PHC3: variants seen among roughly 807,000 people sequenced by gnomAD.
PHC3 encodes polyhomeotic homolog 3.
PHC3 carries 13 observed loss-of-function variants against 107.4 expected under a neutral mutation model. That is an observed-to-expected ratio of 0.12 (90% CI 0.08 to 0.19). The LOEUF is 0.19. Ranked by LOEUF, PHC3 falls within the 10% of genes least tolerant of loss-of-function variation. The probability of loss-of-function intolerance (pLI) is 1.00; values close to 1 mark genes in which losing one functional copy is unlikely to be tolerated. For missense variants in PHC3, 992 were observed against 1,210.9 expected, an observed-to-expected ratio of 0.82 and a Z score of 2.68; for synonymous variants, 456 against 427.4, an observed-to-expected ratio of 1.07 and a Z score of -0.83.
At chr3:170,127,785 T>C (rs1406829931) in intron 8 of PHC3, among the ~76,000 whole-genome samples, 1 of 152,214 alleles carries the variant, frequency 6.6e-6, no homozygotes, top group Admixed American at 6.5e-5. Context: ...TTGATCCTTC[T>C]GACTAAACAA....
At position 170,104,838 on chromosome 3, in the gene PHC3, G is replaced by A. The variant is rs115900688; in HGVS notation, c.2469-1904C>T. 7.3e-3 allele frequency among the ~76,000 whole-genome samples: 1,105 copies of A among 152,222 alleles called. 15 individuals carry two copies. The highest frequency in any genetic ancestry group is 0.025 in the African/African-American group (1,040 of 41,544). On this transcript the variant is annotated intron_variant, in intron 12 of 14. Transcript: ENST00000495893. ...GTGTTCATAATGTGCTCATTTGTGG[G>A]CTCAGCAATGTAGGTTTCTGATTTC...
chr3:170,129,021 G>C lies in PHC3; in HGVS notation c.1451C>G (p.Ser484Cys), dbSNP rs140326294. 6.2e-7 allele frequency: 1 copy of C among 1,613,450 alleles called. No homozygotes were observed. The highest frequency in any genetic ancestry group is 1.3e-5 in the African/African-American group (1 of 75,064). The change falls in exon 8 of 15, where the codon TCT becomes TGT. Residue 484 changes from serine (S) to cysteine (C), a missense_variant. Physicochemically the swap from Ser to Cys is moderately radical, Grantham distance 112 (BLOSUM62 -1). Coordinates refer to ENST00000495893, the MANE Select transcript of PHC3 (RefSeq NM_024947.4). ...PVVHIGPVQQSALVSPGQQIV... is the reference protein window; with the variant it reads ...PVVHIGPVQQCALVSPGQQIV... ...CTGCTGGCCTGGGGATACCAAGGCA[G>C]ACTGCTGAACTGGGCCAATGTGTAC... is the stretch of plus-strand genomic sequence containing the variant.
intron 6 of PHC3, among the ~76,000 whole-genome samples, chr3:170,141,374 G>C (rs1322635159): frequency 6.6e-5 from 10 of 152,090 alleles, no homozygotes; most frequent in Admixed American, 5.9e-4. Context: ...ATCTATCTTT[G>C]AATTAAGTCC....
intron 12 of PHC3, among the ~76,000 whole-genome samples, chr3:170,105,242 GTTCT>G (rs1371635333): frequency 1.3e-5 from 2 of 152,080 alleles, no homozygotes; most frequent in Admixed American, 1.3e-4. Context: ...GATAACCATT[GTTCT>G]TTCTTGTGGT....
chr3:170,149,270 T>C (rs1259945500), intron 4 of PHC3, 26 bp from the exon 5 acceptor site: 39 of 1,576,010 alleles, frequency 2.5e-5, no homozygotes, highest in Non-Finnish European at 3.0e-5. Context: ...TATTAGGTCA[T>C]AGGCTTCCAT....
intron 7 of PHC3, chr3:170,136,209 T>G (rs1239984807): frequency 1.9e-6 from 1 of 535,598 alleles, no homozygotes; most frequent in East Asian, 3.6e-5. Context: ...AATTTGATTT[T>G]AAAAAACCTA....
Position 170,157,265 on chromosome 3 carries a change from G to C in PHC3, c.415-8021C>G, listed in dbSNP as rs557689605. ...AATGCAGAATACCTGTGTTTACAAT[G>C]TGTAAAAAAGAGTGCTAAATGCATA... On this transcript the variant is annotated intron_variant, in intron 4 of 14. Transcript: ENST00000495893. Among the ~76,000 whole-genome samples the C allele has an allele frequency of 3.3e-5, 5 of 152,268 alleles. No individual in the cohort carries two copies. The South Asian group carries it at 1.0e-3, about 32-fold the overall frequency.
Position 170,113,412 on chromosome 3 carries a change from T to G in PHC3, c.2301A>C (p.Thr767=), listed in dbSNP as rs748423245. ...TGTCAGATGAATTATCCGCATGTTT[T>G]GTATTATTCTGTAGCTCTGGCTGAA... is the stretch of plus-strand genomic sequence containing the variant. The part of the protein sequence containing the change: ...VCVQPELQNN[T]KHADNSSDTE... The change falls in exon 11 of 15, where the codon ACA becomes ACC. Residue 767 remains threonine (T), a synonymous_variant. Transcript: ENST00000495893. The G allele has an allele frequency of 6.2e-7, 1 of 1,612,132 alleles. No homozygotes were observed.
At chr3:170,117,498 C>A in intron 9 of PHC3, 22 bp from the exon 10 acceptor site, 3 of 1,579,710 alleles carry the variant, frequency 1.9e-6, no homozygotes, top group South Asian at 1.2e-5. Flanking sequence ...ACCAAAAAGT[C>A]ATTTAAAAAT....
chr3:170,172,451 C>A, intron 3 of PHC3, 106 bp downstream of exon 3: 2 of 1,238,640 alleles, frequency 1.6e-6, no homozygotes, highest in Non-Finnish European at 2.2e-6. Flanking sequence ...GAAAAATAAC[C>A]ACAGGACATC....
Position 170,172,710 on chromosome 3 carries a change from TACCTGTGATA to T in PHC3, c.181-8_182del. On this transcript the variant is annotated splice_acceptor_variant and splice_polypyrimidine_tract_variant and coding_sequence_variant and intron_variant, in exon 3 of 15. Transcript: ENST00000495893. LOFTEE classifies it high-confidence loss of function. ...GGGGCCGATGCAATGCCTGTTGAAT[TACCTGTGATA>T]AGTCAATTGAACCAATGTCAAACCA... The T allele has an allele frequency of 6.3e-7, 1 of 1,596,126 alleles. No homozygotes were observed. The highest frequency in any genetic ancestry group is 8.6e-7 in the Non-Finnish European group (1 of 1,168,532).
intron 7 of PHC3, among the ~76,000 whole-genome samples, chr3:170,132,598 T>C (rs1424621128): frequency 2.0e-5 from 3 of 152,212 alleles, no homozygotes; most frequent in African/African-American, 4.8e-5. Context: ...CTCAAGGCCA[T>C]GTGAGGACAT....
intron 7 of PHC3, among the ~76,000 whole-genome samples, chr3:170,132,025 T>A (rs937881291): frequency 5.9e-5 from 9 of 152,106 alleles, no homozygotes; most frequent in African/African-American, 1.9e-4. Flanking sequence ...TATTACAGAA[T>A]AATTAGGTGG....
intron 4 of PHC3, chr3:170,170,336 T>A (rs1729396064): frequency 6.7e-6 from 1 of 150,276 alleles, no homozygotes; most frequent in Non-Finnish European, 1.5e-5. Flanking sequence ...CACCTATAGT[T>A]GTCACACTAG....
chr3:170,178,498 CG>C (rs1323511948), intron 2 of PHC3, among the ~76,000 whole-genome samples: 1 of 152,186 alleles, frequency 6.6e-6, no homozygotes, highest in Non-Finnish European at 1.5e-5. Context: ...TCTTCCACCA[CG>C]GAATGAGGCA....
rs1484136728 is a variant in PHC3 at position 170,092,802 on chromosome 3, C to G, written c.*4428G>C. The G allele has an allele frequency of 6.6e-6, 1 of 152,144 alleles. No individual in the cohort carries two copies. The highest frequency in any genetic ancestry group is 1.5e-5 in the Non-Finnish European group (1 of 68,030). The allele number at this position is 152,144 out of a possible 1,614,324, so 9.4% of individuals were successfully genotyped here. A position where few individuals can be genotyped will look rare whatever the true frequency, so the allele number is the denominator to read the frequency against. On this transcript the variant is annotated 3_prime_UTR_variant, in exon 15 of 15. Transcript: ENST00000495893. ...AATCAAAAATCACTAACTTCTACATCACTGGAACTATTAATATCCATGCTC... is the reference window on the plus strand; with the variant it reads ...AATCAAAAATCACTAACTTCTACATGACTGGAACTATTAATATCCATGCTC...
chr3:170,181,587 T>C, intron 1 of PHC3, 115 bp downstream of exon 1: 1 of 1,487,826 alleles, frequency 6.7e-7, no homozygotes, highest in South Asian at 1.1e-5. Flanking sequence ...GGGTCTCGAG[T>C]CTCTCTTTCC....
At position 170,113,489 on chromosome 3, in the gene PHC3, G is replaced by T; in HGVS notation, c.2224C>A (p.Pro742Thr). The T allele has an allele frequency of 4.3e-6, 7 of 1,610,660 alleles. No homozygotes were observed. Among genetic ancestry groups the T allele is most frequent in the Non-Finnish European group, 5.9e-6 (7 of 1,178,446 alleles). ...VSRSSLLIEQ[P>T]VKKRPLLDNQ... Reference sequence around the variant, plus strand: ...TCCAAAAGAGGCCGTTTTTTCACAGGCTGTTCTATTAGCAAAGAGGAACGA... The same window carrying T: ...TCCAAAAGAGGCCGTTTTTTCACAGTCTGTTCTATTAGCAAAGAGGAACGA... Residue 742 changes from proline to threonine, a missense_variant, in exon 11 of 15, where the codon CCT becomes ACT. By Grantham distance (38) the Pro-to-Thr change is conservative. This residue lies in a region of PHC3 where 228 missense variants were observed against 288.8 expected (regional missense o/e 0.79). Coordinates refer to ENST00000495893, the MANE Select transcript of PHC3 (RefSeq NM_024947.4).
At chr3:170,143,942 C>T (rs1724521431) in intron 6 of PHC3, among the ~76,000 whole-genome samples, 1 of 151,838 alleles carries the variant, frequency 6.6e-6, no homozygotes, top group Non-Finnish European at 1.5e-5. Flanking sequence ...GAGTATGTAT[C>T]CCTTATACCA....
Sources: allele counts gnomAD v4.1 joint callset (sites outside exome capture counted in the v4.1 genomes callset), GRCh38; gene constraint gnomAD v4.1.1; regional missense constraint gnomAD v4.1.1; transcripts MANE v1.5; gene names NCBI Gene and HGNC (gene_info 2026-07-23, HGNC 2026-07-21).